Variants in ERG observed in about 807,000 individuals in gnomAD.
ERG encodes the protein transcriptional regulator ERG.
Under a neutral mutation model 55.3 loss-of-function variants are expected in ERG, and 9 were observed. The ratio of observed to expected loss-of-function variants is 0.16; its 90% CI spans 0.10 to 0.28. ERG has a LOEUF of 0.28. ERG is among the 10% of genes least tolerant of loss of function. The probability of loss-of-function intolerance (pLI) is 1.00; values close to 1 mark genes in which losing one functional copy is unlikely to be tolerated. For missense variants in ERG, 434 were observed against 631.6 expected, an observed-to-expected ratio of 0.69 and a Z score of 3.35; for synonymous variants, 223 against 237.3, an observed-to-expected ratio of 0.94 and a Z score of 0.55.
At chr21:38,652,422 G>A (rs767649163) in intron 1 of ERG, among the ~76,000 whole-genome samples, 13 of 152,094 alleles carry the variant, frequency 8.5e-5, no homozygotes, top group Non-Finnish European at 1.5e-4. Context: ...GACTCAAAGT[G>A]GTCTACAAGG....
downstream of ERG, among the ~76,000 whole-genome samples, chr21:38,376,725 G>A (rs1449389193): frequency 2.0e-5 from 3 of 152,232 alleles, no homozygotes; most frequent in Non-Finnish European, 4.4e-5. Context: ...CTGTATGGTG[G>A]GTCTCTTCAC....
chr21:38,582,756 T>C (rs530412766), intron 1 of ERG, among the ~76,000 whole-genome samples: 1 of 152,326 alleles, frequency 6.6e-6, no homozygotes, highest in Non-Finnish European at 1.5e-5. Context: ...TTGCAACTTT[T>C]TTTTTTTTGA....
At chr21:38,430,987 CCTT>C (rs751362015) in intron 2 of ERG, among the ~76,000 whole-genome samples, 7 of 152,160 alleles carry the variant, frequency 4.6e-5, no homozygotes, top group African/African-American at 1.4e-4. Flanking sequence ...ATGCTGGTGT[CCTT>C]CTTCTAGTAA....
intron 2 of ERG, among the ~76,000 whole-genome samples, chr21:38,569,183 C>G (rs1027706583): frequency 6.6e-6 from 1 of 152,248 alleles, no homozygotes; most frequent in African/African-American, 2.4e-5. Context: ...CCCCCACCCC[C>G]AGTGGGGTAC....
At position 38,468,982 on chromosome 21, in the gene ERG, C is replaced by CAAAAAAA. The variant is rs1261630693; in HGVS notation, c.19-23368_19-23362dup. On this transcript the variant is annotated intron_variant, in intron 1 of 9. Transcript: ENST00000288319. Reference sequence around the variant, plus strand: ...CCTGGGAGACAGCCAGACTCTGTCTCAAAAAAAAAAAAAAAAAAAGAAAAA... The same window carrying CAAAAAAA: ...CCTGGGAGACAGCCAGACTCTGTCTCAAAAAAAAAAAAAAAAAAAAAAAAAAGAAAAA... 2.1e-3 allele frequency among the ~76,000 whole-genome samples: 60 copies of CAAAAAAA among 29,022 alleles called. 3 individuals carry two copies. Among genetic ancestry groups the CAAAAAAA allele is most frequent in the East Asian group, 0.015 (14 of 960 alleles). 19.0% of individuals were successfully genotyped at this position (29,022 alleles called of 152,430 possible).
intron 2 of ERG, among the ~76,000 whole-genome samples, chr21:38,534,165 T>C (rs2059692645): frequency 6.6e-6 from 1 of 152,162 alleles, no homozygotes; most frequent in Non-Finnish European, 1.5e-5. Flanking sequence ...CTGATAAGGG[T>C]CTGCTCTGAG....
At chr21:38,642,731 C>T (rs1040936333) in intron 1 of ERG, among the ~76,000 whole-genome samples, 2 of 152,196 alleles carry the variant, frequency 1.3e-5, no homozygotes, top group African/African-American at 4.8e-5. Flanking sequence ...CTCCTGATCC[C>T]CCAGATTCCA....
chr21:38,477,821 C>A (rs752925437), intron 1 of ERG, among the ~76,000 whole-genome samples: 30 of 152,138 alleles, frequency 2.0e-4, no homozygotes, highest in Non-Finnish European at 4.3e-4. Flanking sequence ...ATGAGGGAAC[C>A]AAACCTCTAT....
Position 38,390,991 on chromosome 21 carries a change from T to G in ERG, c.919+4A>C. On this transcript the variant is annotated splice_donor_region_variant and intron_variant, in intron 9 of 9. Coordinates refer to ENST00000288319, the MANE Select transcript of ERG (RefSeq NM_182918.4). ...TAAGAAGAAAATCATCAGCAGTTTC[T>G]CACCTGGATTTGCAAGGCGGCTACT... The G allele has an allele frequency of 5.0e-6, 8 of 1,612,106 alleles. No homozygotes were observed. The highest frequency in any genetic ancestry group is 6.8e-6 in the Non-Finnish European group (8 of 1,178,608).
chr21:38,513,979 A>T (rs1225674668), intron 2 of ERG, among the ~76,000 whole-genome samples: 1 of 152,086 alleles, frequency 6.6e-6, no homozygotes, highest in East Asian at 1.9e-4. Flanking sequence ...CATTGGAAGG[A>T]TAATAGAATA....
intron 1 of ERG, among the ~76,000 whole-genome samples, chr21:38,615,430 C>CA (rs377634621): frequency 1.7e-3 from 251 of 152,008 alleles, no homozygotes; most frequent in African/African-American, 4.7e-3. Context: ...GAAGGCATCT[C>CA]AAAAAATGCA....
intron 1 of ERG, among the ~76,000 whole-genome samples, chr21:38,616,908 A>T (rs532129466): frequency 3.3e-5 from 5 of 152,326 alleles, no homozygotes; most frequent in African/African-American, 1.2e-4. Flanking sequence ...TACTACTCAG[A>T]ACATCAAGAA....
intron 2 of ERG, among the ~76,000 whole-genome samples, chr21:38,554,676 TGGAG>T (rs2059846780): frequency 1.3e-5 from 2 of 151,954 alleles, no homozygotes; most frequent in South Asian, 4.2e-4. Flanking sequence ...TGCTTGAGGG[TGGAG>T]GGTAGACGAA....
At chr21:38,614,684 T>C (rs1333433503) in intron 1 of ERG, among the ~76,000 whole-genome samples, 2 of 152,220 alleles carry the variant, frequency 1.3e-5, no homozygotes, top group Non-Finnish European at 2.9e-5. Context: ...GACTGGTCCA[T>C]GATTGCTCAA....
At chr21:38,479,755 AC>A (rs140060165) in intron 1 of ERG, among the ~76,000 whole-genome samples, 17,895 of 152,200 alleles carry the variant, frequency 0.12, 1,195 homozygotes, top group East Asian at 0.26. Context: ...TTAACTAAGC[AC>A]TTACTATCCA....
At chr21:38,526,498 A>T (rs1258363693) in intron 2 of ERG, among the ~76,000 whole-genome samples, 1 of 152,206 alleles carries the variant, frequency 6.6e-6, no homozygotes, top group African/African-American at 2.4e-5. Flanking sequence ...GATACTCATG[A>T]TTTAACTGAT....
intron 2 of ERG, among the ~76,000 whole-genome samples, chr21:38,507,665 G>T (rs1210875244): frequency 6.6e-6 from 1 of 152,146 alleles, no homozygotes; most frequent in Admixed American, 6.5e-5. Context: ...CTTGAACTTG[G>T]GACTCCCCTG....
intron 2 of ERG, among the ~76,000 whole-genome samples, chr21:38,560,805 T>C (rs979953597): frequency 6.6e-6 from 1 of 152,216 alleles, no homozygotes; most frequent in Non-Finnish European, 1.5e-5. Context: ...TCCCAAATTG[T>C]GGTCCTCATG....
chr21:38,461,681 C>A (rs1210787480), intron 1 of ERG, among the ~76,000 whole-genome samples: 1 of 152,164 alleles, frequency 6.6e-6, no homozygotes, highest in Non-Finnish European at 1.5e-5. Flanking sequence ...CTCCAATTAG[C>A]CCAGACATTA....
Sources: gnomAD v4.1 joint callset for allele counts (sites outside exome capture counted in the v4.1 genomes callset) on GRCh38, gnomAD v4.1.1 for gene constraint, MANE v1.5 for transcripts, NCBI Gene and HGNC (gene_info 2026-07-23, HGNC 2026-07-21) for gene names.